The following ANK2 variants were observed in gnomAD, a reference collection of about 807,000 sequenced individuals.
ANK2 encodes ankyrin 2.
A neutral mutation model predicts 360.5 loss-of-function variants in ANK2; 83 were observed. The ratio of observed to expected loss-of-function variants is 0.23; its 90% confidence interval spans 0.19 to 0.28. The LOEUF is 0.28. Among genes scored for constraint, ANK2 ranks in the 10% least tolerant of loss-of-function variants. The pLI is 1.00. For missense variants in ANK2, 4,201 were observed against 4,795.7 expected, an observed-to-expected ratio of 0.88 and a Z score of 3.66; for synonymous variants, 1,740 against 1,759.5, an observed-to-expected ratio of 0.99 and a Z score of 0.28.
At chr4:112,901,424 A>G (rs1042692570) in intron 1 of ANK2, among the ~76,000 whole-genome samples, 2 of 152,236 alleles carry the variant, frequency 1.3e-5, no homozygotes, top group Admixed American at 6.5e-5. Flanking sequence ...GTGAGTCTTC[A>G]TCTTTATAGG....
intron 2 of ANK2, among the ~76,000 whole-genome samples, chr4:112,913,693 G>T (rs898423151): frequency 2.0e-5 from 3 of 152,054 alleles, no homozygotes; most frequent in Non-Finnish European, 4.4e-5. Flanking sequence ...AAACTTGTTA[G>T]ATATGCATCA....
intron 9 of ANK2, among the ~76,000 whole-genome samples, chr4:113,247,869 C>T (rs1247242355): frequency 6.6e-6 from 1 of 152,150 alleles, no homozygotes; most frequent in African/African-American, 2.4e-5. Flanking sequence ...AGAAACCATG[C>T]TATATCTAAT....
intron 2 of ANK2, among the ~76,000 whole-genome samples, chr4:113,002,833 A>G (rs948387187): frequency 9.2e-5 from 14 of 152,122 alleles, no homozygotes; most frequent in African/African-American, 3.4e-4. Context: ...ACTTCCTCTA[A>G]GATTATGACA....
At chr4:113,256,428 C>T in intron 11 of ANK2, among the ~76,000 whole-genome samples, 1 of 152,148 alleles carries the variant, frequency 6.6e-6, no homozygotes, top group East Asian at 1.9e-4. Flanking sequence ...GATTACTCAA[C>T]CATAGGCTAA....
chr4:112,933,073 A>C (rs1348781355), intron 2 of ANK2, among the ~76,000 whole-genome samples: 1 of 152,206 alleles, frequency 6.6e-6, no homozygotes, highest in African/African-American at 2.4e-5. Context: ...ATTAGTTGAT[A>C]TTAAGAAATT....
rs1282117438 is a variant in ANK2, at chr4:113,358,735, G to A, written c.10117G>A (p.Ala3373Thr). Residue 3373 changes from alanine to threonine, a missense_variant, in exon 38 of 46, where the codon GCT (alanine) becomes ACT (threonine). Coordinates refer to ENST00000357077, the MANE Select transcript of ANK2 (RefSeq NM_001148.6). Reference sequence around the variant, plus strand: ...AGACACCTCTGTCCAGAAGACAGTGGCTCCTCAGGGACAGGACATGGCAAG... The same window carrying A: ...AGACACCTCTGTCCAGAAGACAGTGACTCCTCAGGGACAGGACATGGCAAG... The part of the protein sequence containing the change: ...DLDTSVQKTV[A>T]PQGQDMASIA... The A allele has an allele frequency of 4.3e-6, 7 of 1,613,914 alleles. No homozygotes were observed. Among genetic ancestry groups the A allele is most frequent in the Non-Finnish European group, 5.1e-6 (6 of 1,179,962 alleles).
intron 1 of ANK2, among the ~76,000 whole-genome samples, chr4:113,168,790 A>G (rs1414383382): frequency 2.0e-5 from 3 of 152,234 alleles, no homozygotes; most frequent in East Asian, 3.8e-4. Flanking sequence ...CAAGACAGCA[A>G]TAATAATGTG....
At chr4:113,313,691 C>G (rs529211176) in intron 24 of ANK2, 1 of 152,062 alleles carries the variant, frequency 6.6e-6, no homozygotes, top group Non-Finnish European at 1.5e-5. Context: ...TAGCACCATG[C>G]CCAGGTAGGT....
In ANK2 at chr4:113,363,733, T is replaced by G. The variant is rs115818480; in HGVS notation, c.10888+264T>G. Reference sequence around the variant, plus strand: ...GTAGCTTTTTCCCCAGTATTCCAGTTTCCTCCCACATCCCAAAGATGTGCA... The same window carrying G: ...GTAGCTTTTTCCCCAGTATTCCAGTGTCCTCCCACATCCCAAAGATGTGCA... On this transcript the variant is annotated intron_variant, in intron 40 of 45. Transcript: ENST00000357077. Among the ~76,000 whole-genome samples the G allele has an allele frequency of 4.2e-3, 643 of 152,280 alleles. 3 individuals carry two copies. The highest frequency in any genetic ancestry group is 0.015 in the African/African-American group (628 of 41,560).
At position 112,972,961 on chromosome 4, in the gene ANK2, C is replaced by T. The variant is rs147516535; in HGVS notation, c.21+68447C>T. 7.8e-3 allele frequency among the ~76,000 whole-genome samples: 1,183 copies of T among 152,088 alleles called. 16 individuals are homozygous for T. The highest frequency in any genetic ancestry group is 0.027 in the African/African-American group (1,101 of 41,482). On this transcript the variant is annotated intron_variant, in intron 2 of 30. Transcript: ENST00000503271. ...GTATGTTCTCACTTATGAGTGGGAG[C>T]TAAGCTATGAGGATGCAAAGGCATA...
intron 2 of ANK2, among the ~76,000 whole-genome samples, chr4:112,912,552 A>C (rs2087998707): frequency 6.6e-6 from 1 of 152,020 alleles, no homozygotes; most frequent in Non-Finnish European, 1.5e-5. Flanking sequence ...GGGAATCCCA[A>C]AGTAAAAATA....
At chr4:113,248,955 TCTG>T (rs1328798576) in intron 9 of ANK2, among the ~76,000 whole-genome samples, 2 of 152,226 alleles carry the variant, frequency 1.3e-5, no homozygotes, top group African/African-American at 4.8e-5. Flanking sequence ...TCCCACCCAC[TCTG>T]CTTTTTGCCC....
At chr4:112,854,671 G>A (rs1176013311) in intron 1 of ANK2, among the ~76,000 whole-genome samples, 1 of 152,174 alleles carries the variant, frequency 6.6e-6, no homozygotes, top group African/African-American at 2.4e-5. Flanking sequence ...TTAAGGGAGT[G>A]TGATAGATGA....
chr4:113,315,685 T>C (rs996239137), intron 24 of ANK2, among the ~76,000 whole-genome samples: 11 of 151,898 alleles, frequency 7.2e-5, no homozygotes, highest in Non-Finnish European at 1.3e-4. Flanking sequence ...GATCACGAGG[T>C]CAGGAGATCG....
intron 1 of ANK2, among the ~76,000 whole-genome samples, chr4:113,084,492 CTTTAGAACTAGAG>C (rs2083699769): frequency 1.3e-5 from 2 of 152,140 alleles, no homozygotes; most frequent in African/African-American, 2.4e-5. Flanking sequence ...TAGGACTTTG[CTTTAGAACTAGAG>C]GAGATGTTAT....
chr4:113,182,774 T>G (rs1353906220), intron 2 of ANK2, among the ~76,000 whole-genome samples: 1 of 152,088 alleles, frequency 6.6e-6, no homozygotes, highest in Non-Finnish European at 1.5e-5. Flanking sequence ...GGACTGGAGC[T>G]CATTCAATGG....
At chr4:112,956,732 A>T (rs1034739788) in intron 2 of ANK2, among the ~76,000 whole-genome samples, 1 of 152,206 alleles carries the variant, frequency 6.6e-6, no homozygotes, top group Non-Finnish European at 1.5e-5. Context: ...CAGAAGTGAA[A>T]CTTCGGATAA....
the ANK2 span, among the ~76,000 whole-genome samples, chr4:112,717,672 A>C: frequency 6.6e-6 from 1 of 152,210 alleles, no homozygotes; most frequent in African/African-American, 2.4e-5. Flanking sequence ...AATATCTAAC[A>C]AGCCAATATG....
intron 2 of ANK2, among the ~76,000 whole-genome samples, chr4:112,958,775 T>C (rs1374616823): frequency 6.6e-6 from 1 of 152,222 alleles, no homozygotes; most frequent in Non-Finnish European, 1.5e-5. Flanking sequence ...GTTTATTCCT[T>C]CTCAATGATA....
Sources: allele counts gnomAD v4.1 joint callset (sites outside exome capture counted in the v4.1 genomes callset), GRCh38; gene constraint gnomAD v4.1.1; transcripts MANE v1.5; gene names NCBI Gene and HGNC (gene_info 2026-07-23, HGNC 2026-07-21).